The following CDH9 variants were observed in gnomAD, a reference collection of about 807,000 sequenced individuals.
CDH9 encodes the protein cadherin-9.
A neutral mutation model predicts 70.9 loss-of-function variants in CDH9; 28 were observed. The ratio of observed to expected loss-of-function variants is 0.40; its 90% confidence interval spans 0.29 to 0.54. The LOEUF (loss-of-function observed/expected upper bound fraction) is 0.54. Ranked by LOEUF, CDH9 falls within the 20% of genes least tolerant of loss-of-function variation. CDH9 has a pLI of 0.59. For missense variants in CDH9, 874 were observed against 984.4 expected, an observed-to-expected ratio of 0.89 and a Z score of 1.50; for synonymous variants, 409 against 343.1, an observed-to-expected ratio of 1.19 and a Z score of -2.12.
At chr5:26,886,570 A>C (rs1043400902) in intron 9 of CDH9, among the ~76,000 whole-genome samples, 2 of 151,990 alleles carry the variant, frequency 1.3e-5, no homozygotes, top group African/African-American at 4.8e-5. Flanking sequence ...AAAATAAATA[A>C]ATTTGTCTGT....
chr5:26,882,893 C>T lies in CDH9; in HGVS notation c.1883-1270G>A, dbSNP rs1209959437. ...TGAGGCCCCTATAACTACACTAAAGCCCTGTCCAGTGTTATTTTCACATTG... is the reference window on the plus strand; with the variant it reads ...TGAGGCCCCTATAACTACACTAAAGTCCTGTCCAGTGTTATTTTCACATTG... On this transcript the variant is annotated intron_variant, in intron 11 of 11. Transcript: ENST00000231021. Among the ~76,000 whole-genome samples, 4 of 151,210 alleles carry T rather than the reference C, an allele frequency of 2.6e-5. No individual in the cohort carries two copies. In the East Asian group the frequency reaches 5.9e-4, roughly 22 times the overall value.
chr5:27,020,402 A>C (rs1324127804), intron 1 of CDH9, among the ~76,000 whole-genome samples: 2 of 151,636 alleles, frequency 1.3e-5, no homozygotes, highest in African/African-American at 2.4e-5. Context: ...CACAATTGGC[A>C]TTTACTGCTA....
chr5:26,927,035 G>A (rs1480645833), intron 2 of CDH9, among the ~76,000 whole-genome samples: 2 of 150,608 alleles, frequency 1.3e-5, no homozygotes, highest in Non-Finnish European at 3.0e-5. Context: ...TTCAATAACA[G>A]ATTAAAAAGA....
intron 1 of CDH9, among the ~76,000 whole-genome samples, chr5:27,036,722 C>T (rs1743399903): frequency 6.6e-6 from 1 of 151,616 alleles, no homozygotes; most frequent in Non-Finnish European, 1.5e-5. Context: ...ATGTACTTAT[C>T]TTACATTTTT....
intron 9 of CDH9, 38 bp downstream of exon 9, chr5:26,889,798 A>C (rs1740624687): frequency 7.5e-7 from 1 of 1,341,944 alleles, no homozygotes; most frequent in Non-Finnish European, 1.1e-6. Context: ...TTGTAAAGAG[A>C]AAATATATTC....
At chr5:27,022,244 G>GT (rs565624774) in intron 1 of CDH9, among the ~76,000 whole-genome samples, 5 of 151,792 alleles carry the variant, frequency 3.3e-5, no homozygotes, top group African/African-American at 4.8e-5. Flanking sequence ...GATTGTACAT[G>GT]TTTTTTTTAA....
chr5:26,991,481 C>T (rs769786307), intron 1 of CDH9, among the ~76,000 whole-genome samples: 48 of 152,158 alleles, frequency 3.2e-4, no homozygotes, highest in Non-Finnish European at 5.7e-4. Context: ...AGCTTTCCTA[C>T]AGAATCGTAA....
intron 2 of CDH9, among the ~76,000 whole-genome samples, chr5:26,920,159 G>A (rs753310533): frequency 6.6e-6 from 1 of 151,980 alleles, no homozygotes; most frequent in Non-Finnish European, 1.5e-5. Context: ...TTCCCTGAAG[G>A]GAGAGACCCA....
chr5:26,906,271 T>G (rs971840677), intron 4 of CDH9, 145 bp from the exon 5 acceptor site: 8 of 653,500 alleles, frequency 1.2e-5, no homozygotes, highest in African/African-American at 1.8e-5. Flanking sequence ...ATAACCACTT[T>G]AAGATAATTC....
chr5:26,968,185 T>C (rs775279990), intron 2 of CDH9, among the ~76,000 whole-genome samples: 4 of 152,104 alleles, frequency 2.6e-5, no homozygotes, highest in Non-Finnish European at 4.4e-5. Flanking sequence ...AACTACAGAG[T>C]GCTGTTACTA....
At chr5:27,023,883 C>T (rs1017967348) in intron 1 of CDH9, among the ~76,000 whole-genome samples, 1 of 151,748 alleles carries the variant, frequency 6.6e-6, no homozygotes, top group Non-Finnish European at 1.5e-5. Flanking sequence ...GAAACCCCAT[C>T]TCTACTAAAA....
chr5:26,904,170 T>G (rs2111989772), intron 5 of CDH9, among the ~76,000 whole-genome samples: 1 of 144,834 alleles, frequency 6.9e-6, no homozygotes, highest in Non-Finnish European at 1.6e-5. Flanking sequence ...TTCAAAATGG[T>G]CATCACACTT....
At chr5:26,996,185 T>C (rs1225138487) in intron 1 of CDH9, among the ~76,000 whole-genome samples, 2 of 151,988 alleles carry the variant, frequency 1.3e-5, no homozygotes, top group Non-Finnish European at 2.9e-5. Context: ...GTTTCTCAGC[T>C]GAAATGTACA....
intron 11 of CDH9, among the ~76,000 whole-genome samples, chr5:26,883,345 C>T (rs940986065): frequency 2.6e-5 from 4 of 151,404 alleles, no homozygotes; most frequent in African/African-American, 4.8e-5. Context: ...ACAAATGGTC[C>T]TTAGAATCTG....
intron 2 of CDH9, among the ~76,000 whole-genome samples, chr5:26,946,821 G>A (rs563106602): frequency 2.6e-5 from 4 of 152,172 alleles, no homozygotes; most frequent in African/African-American, 9.6e-5. Context: ...TGAATAAGTA[G>A]CTGTAGGTCA....
At chr5:26,924,821 T>G (rs1222825430) in intron 2 of CDH9, among the ~76,000 whole-genome samples, 1 of 151,304 alleles carries the variant, frequency 6.6e-6, no homozygotes, top group Non-Finnish European at 1.5e-5. Context: ...TCTGTCCTTG[T>G]GATAGTTTGC....
intron 2 of CDH9, among the ~76,000 whole-genome samples, chr5:26,960,246 T>C (rs1023810628): frequency 9.9e-5 from 15 of 152,134 alleles, no homozygotes; most frequent in African/African-American, 2.6e-4. Context: ...TGATCAATGC[T>C]GGTCATGTTC....
At chr5:26,923,968 C>T (rs1741292155) in intron 2 of CDH9, among the ~76,000 whole-genome samples, 1 of 151,690 alleles carries the variant, frequency 6.6e-6, no homozygotes, top group Non-Finnish European at 1.5e-5. Context: ...TTCAAATAAC[C>T]TAATAATACA....
intron 2 of CDH9, among the ~76,000 whole-genome samples, chr5:26,939,416 A>G (rs1347764286): frequency 6.6e-6 from 1 of 151,662 alleles, no homozygotes; most frequent in East Asian, 1.9e-4. Flanking sequence ...ATTTATTTTA[A>G]CTGGTTACCA....
Sources: gnomAD v4.1 joint callset for allele counts (sites outside exome capture counted in the v4.1 genomes callset) on GRCh38, gnomAD v4.1.1 for gene constraint, MANE v1.5 for transcripts, NCBI Gene and HGNC (gene_info 2026-07-23, HGNC 2026-07-21) for gene names.